The following LINGO2 variants were observed in gnomAD, a reference collection of about 807,000 sequenced individuals.
LINGO2 encodes leucine rich repeat and Ig domain containing 2, also known as leucine-rich repeat and immunoglobulin-like domain-containing nogo receptor-interacting protein 2.
Under a neutral mutation model 30.6 loss-of-function variants are expected in LINGO2, and 14 were observed. That is an observed-to-expected ratio of 0.46 (90% confidence interval 0.30 to 0.72). The LOEUF is 0.72. LINGO2 is among the 30% of genes least tolerant of loss of function. The probability of loss-of-function intolerance (pLI) is 0.07; values close to 1 mark genes in which losing one functional copy is unlikely to be tolerated. For synonymous variants in LINGO2, 317 were observed against 288.5 expected, an observed-to-expected ratio of 1.10 and a Z score of -1.00; for missense variants, 729 against 751.7, an observed-to-expected ratio of 0.97 and a Z score of 0.35.
At chr9:28,168,193 G>A (rs1362294909) in intron 4 of LINGO2, among the ~76,000 whole-genome samples, 1 of 152,148 alleles carries the variant, frequency 6.6e-6, no homozygotes, top group African/African-American at 2.4e-5. Context: ...CTCCTGCTGA[G>A]CCTAAAGCCA....
chr9:28,399,689 G>A (rs1468049024), intron 2 of LINGO2, among the ~76,000 whole-genome samples: 1 of 152,132 alleles, frequency 6.6e-6, no homozygotes, highest in Non-Finnish European at 1.5e-5. Context: ...GATGATCAGG[G>A]AAGGATTCTG....
chr9:29,042,993 G>T, the LINGO2 span, among the ~76,000 whole-genome samples: 2 of 151,530 alleles, frequency 1.3e-5, no homozygotes, highest in Non-Finnish European at 1.5e-5. Context: ...ATCCTTGTGA[G>T]ATATATATAT....
At chr9:29,073,189 T>C in the LINGO2 span, among the ~76,000 whole-genome samples, 2 of 152,166 alleles carry the variant, frequency 1.3e-5, no homozygotes, top group South Asian at 4.1e-4. Context: ...TACAGACCCA[T>C]ACATATCTCC....
At chr9:28,634,100 G>A (rs1004416553) in intron 1 of LINGO2, among the ~76,000 whole-genome samples, 1 of 152,230 alleles carries the variant, frequency 6.6e-6, no homozygotes, top group East Asian at 1.9e-4. Context: ...CTAAATAAAA[G>A]CAAATGTACA....
chr9:28,003,682 C>G (rs189819530), intron 5 of LINGO2, among the ~76,000 whole-genome samples: 12 of 152,238 alleles, frequency 7.9e-5, no homozygotes, highest in Admixed American at 7.9e-4. Flanking sequence ...AGGATGGTCT[C>G]GATCTCCTGA....
At chr9:28,292,471 T>G (rs1362683587) in intron 4 of LINGO2, among the ~76,000 whole-genome samples, 1 of 152,214 alleles carries the variant, frequency 6.6e-6, no homozygotes, top group Non-Finnish European at 1.5e-5. Context: ...TATTTTTTAA[T>G]TTTATTTTTG....
chr9:29,061,618 T>C, the LINGO2 span, among the ~76,000 whole-genome samples: 4 of 152,022 alleles, frequency 2.6e-5, no homozygotes, highest in Non-Finnish European at 5.9e-5. Flanking sequence ...GCGCGAGAAC[T>C]GGTTATCCAC....
At chr9:28,353,867 A>C (rs1350550049) in intron 3 of LINGO2, among the ~76,000 whole-genome samples, 1 of 152,126 alleles carries the variant, frequency 6.6e-6, no homozygotes, top group Non-Finnish European at 1.5e-5. Flanking sequence ...CATGGATGAA[A>C]TTGGAAATCA....
intron 4 of LINGO2, among the ~76,000 whole-genome samples, chr9:28,199,318 G>A (rs1363078771): frequency 1.4e-5 from 2 of 138,490 alleles, no homozygotes; most frequent in African/African-American, 2.7e-5. Context: ...AAGACTACGG[G>A]CTATCTTCTT....
chr9:28,386,412 C>T (rs1821583000), intron 2 of LINGO2, among the ~76,000 whole-genome samples: 1 of 152,102 alleles, frequency 6.6e-6, no homozygotes, highest in Non-Finnish European at 1.5e-5. Context: ...CTGTACATAT[C>T]CTGTTCCTAC....
chr9:28,954,751 C>T, the LINGO2 span, among the ~76,000 whole-genome samples: 6 of 152,272 alleles, frequency 3.9e-5, no homozygotes, highest in Middle Eastern at 3.4e-3. Context: ...CAAATAGTGA[C>T]TTAAAAACAA....
intron 1 of LINGO2, among the ~76,000 whole-genome samples, chr9:28,604,660 G>A (rs1563858081): frequency 6.6e-6 from 1 of 152,052 alleles, no homozygotes; most frequent in Non-Finnish European, 1.5e-5. Flanking sequence ...ACTGTTTGCT[G>A]TAAATTAATC....
chr9:28,004,787 T>C (rs117154115), intron 5 of LINGO2, among the ~76,000 whole-genome samples: 166 of 152,198 alleles, frequency 1.1e-3, no homozygotes, highest in Admixed American at 4.1e-3. Flanking sequence ...GACACCAAAA[T>C]AGGGTGATGG....
At chr9:28,010,972 T>C (rs1257961992) in intron 5 of LINGO2, among the ~76,000 whole-genome samples, 2 of 152,142 alleles carry the variant, frequency 1.3e-5, no homozygotes, top group South Asian at 2.1e-4. Flanking sequence ...TAAATCCAAA[T>C]GGGTCCAAAG....
At chr9:28,234,225 A>T (rs1821475419) in intron 4 of LINGO2, among the ~76,000 whole-genome samples, 1 of 152,112 alleles carries the variant, frequency 6.6e-6, no homozygotes, top group Non-Finnish European at 1.5e-5. Flanking sequence ...GCCGAGTTCC[A>T]GGCCTGGCAG....
At chr9:28,040,018 A>C (rs1054883934) in intron 4 of LINGO2, among the ~76,000 whole-genome samples, 1 of 152,182 alleles carries the variant, frequency 6.6e-6, no homozygotes, top group Non-Finnish European at 1.5e-5. Flanking sequence ...TCCATGTGCT[A>C]ATCAGCATGA....
At chr9:28,804,433 G>C in the LINGO2 span, among the ~76,000 whole-genome samples, 14 of 152,076 alleles carry the variant, frequency 9.2e-5, no homozygotes, top group Non-Finnish European at 1.5e-4. Context: ...GCCTGAATCA[G>C]TTGGGCCATC....
At chr9:28,576,737 G>A (rs1824010707) in intron 1 of LINGO2, among the ~76,000 whole-genome samples, 1 of 152,110 alleles carries the variant, frequency 6.6e-6, no homozygotes, top group African/African-American at 2.4e-5. Flanking sequence ...TTATTGGGGT[G>A]CAAGAGGTAC....
the LINGO2 span, among the ~76,000 whole-genome samples, chr9:29,144,966 T>C: frequency 1.3e-5 from 2 of 152,352 alleles, no homozygotes; most frequent in South Asian, 2.1e-4. Context: ...AAGTTTTGGA[T>C]ACTGATATTT....
Sources: gnomAD v4.1 joint callset for allele counts (sites outside exome capture counted in the v4.1 genomes callset) on GRCh38, gnomAD v4.1.1 for gene constraint, MANE v1.5 for transcripts, NCBI Gene and HGNC (gene_info 2026-07-23, HGNC 2026-07-21) for gene names.